Variants in CCNF observed in about 807,000 individuals in gnomAD.
CCNF encodes cyclin F.
CCNF carries 30 observed loss-of-function variants against 85.4 expected under a neutral mutation model. The ratio of observed to expected loss-of-function variants is 0.35; its 90% CI spans 0.26 to 0.48. CCNF has a LOEUF of 0.48. CCNF is among the 20% of genes least tolerant of loss of function. The pLI is 0.99. For missense variants in CCNF, 919 were observed against 1,010.4 expected (o/e 0.91, Z 1.23); for synonymous variants, 439 against 425.1 (o/e 1.03, Z -0.40).
rs905126575 is a variant in CCNF at position 2,452,181 on chromosome 16, G to C, written c.1488-1029G>C. 6.6e-6 allele frequency among the ~76,000 whole-genome samples: 1 copy of C among 152,214 alleles called. No individual in the cohort carries two copies. Among genetic ancestry groups the C allele is most frequent in the Admixed American group, 6.5e-5 (1 of 15,286 alleles). ...CGTGTACGTCACCCAGGGCCTCGCT[G>C]TCCGGCTTCCAGGATGAGATCAGAA... On this transcript the variant is annotated intron_variant, in intron 13 of 16. Coordinates refer to ENST00000397066, the MANE Select transcript of CCNF (RefSeq NM_001761.3). This position sits in a 1 kb window ranked among gnomAD's most constrained non-coding sequence, Gnocchi z 4.1.
At chr16:2,429,635 A>G in intron 1 of CCNF, 138 bp downstream of exon 1, 1 of 902,962 alleles carries the variant, frequency 1.1e-6, no homozygotes. Context: ...CCCGGGGCGG[A>G]TGTCGCGTCC....
Position 2,453,224 on chromosome 16 carries a change from C to G in CCNF, c.1502C>G (p.Ala501Gly). 10 of 1,613,742 alleles carry G rather than the reference C, an allele frequency of 6.2e-6. No homozygotes were observed. The highest frequency in any genetic ancestry group is 7.6e-6 in the Non-Finnish European group (9 of 1,180,010). ...SLHKKCFHDD[A>G]PKDYRQVSLT... ...TCTGTTTCCAGCTTCCATGATGACGCCCCCAAGGACTACAGGCAAGTCTCT... is the reference window on the plus strand; with the variant it reads ...TCTGTTTCCAGCTTCCATGATGACGGCCCCAAGGACTACAGGCAAGTCTCT... Residue 501 changes from alanine to glycine, a missense_variant, in exon 14 of 17, where the codon GCC (alanine) becomes GGC (glycine). This residue lies in a region of CCNF where 505 missense variants were observed against 514.8 expected (regional missense o/e 0.98). Coordinates refer to ENST00000397066, the MANE Select transcript of CCNF (RefSeq NM_001761.3). This position sits in a 1 kb window ranked among gnomAD's most constrained non-coding sequence, Gnocchi z 5.6.
At chr16:2,440,973 C>A (rs1432696880) in intron 8 of CCNF, among the ~76,000 whole-genome samples, 1 of 152,138 alleles carries the variant, frequency 6.6e-6, no homozygotes, top group African/African-American at 2.4e-5. Flanking sequence ...GTGGCTCATG[C>A]CTGTAATGCC....
chr16:2,445,724 G>GGGT, intron 10 of CCNF, 102 bp downstream of exon 10: 1 of 782,938 alleles, frequency 1.3e-6, no homozygotes, highest in Non-Finnish European at 1.7e-6. Flanking sequence ...GTTTTGTTTT[G>GGGT]TGTTGTTTTT....
intron 8 of CCNF, among the ~76,000 whole-genome samples, chr16:2,441,976 TATA>T (rs1179117827): frequency 1.1e-3 from 141 of 132,550 alleles, no homozygotes; most frequent in Middle Eastern, 3.8e-3. Flanking sequence ...TATATATATA[TATA>T]TATGTTTTTG....
At chr16:2,440,881 G>A (rs2065317505) in intron 8 of CCNF, among the ~76,000 whole-genome samples, 1 of 152,148 alleles carries the variant, frequency 6.6e-6, no homozygotes, top group East Asian at 1.9e-4. Flanking sequence ...TTGAGCCCAG[G>A]AGTTCAAGAC....
At chr16:2,432,282 G>A (rs1034457084) in intron 2 of CCNF, among the ~76,000 whole-genome samples, 3 of 152,088 alleles carry the variant, frequency 2.0e-5, no homozygotes, top group African/African-American at 7.2e-5. Flanking sequence ...GGAACCATAG[G>A]CTTACTTTGA....
intron 10 of CCNF, 28 bp from the exon 11 acceptor site, chr16:2,448,798 CCCCACCCCTGCCCCAGGAAGTGGGCTCCA>C: frequency 6.4e-7 from 1 of 1,572,700 alleles, no homozygotes; most frequent in Non-Finnish European, 8.7e-7. Context: ...GGTCCCTCCG[CCCCACCCCTGCCCCAGGAAGTGGGCTCCA>C]CCCTGAGACC....
chr16:2,443,850 C>A (rs769943231), intron 9 of CCNF, 50 bp downstream of exon 9: 1 of 1,574,378 alleles, frequency 6.4e-7, no homozygotes, highest in African/African-American at 1.4e-5. Context: ...GGAAGCCAGC[C>A]TCCAGGGGAA....
chr16:2,439,264 C>CGG (rs2065308269), intron 6 of CCNF, 89 bp from the exon 7 acceptor site: 1 of 1,178,768 alleles, frequency 8.5e-7, no homozygotes, highest in East Asian at 2.6e-5. Flanking sequence ...CGCCATTGCA[C>CGG]TCCAACCTGG....
intron 6 of CCNF, 98 bp downstream of exon 6, chr16:2,438,221 C>T: frequency 1.1e-6 from 1 of 927,034 alleles, no homozygotes; most frequent in South Asian, 1.3e-5. Context: ...GTCCAAGGCC[C>T]AAAACAAAAG....
Position 2,429,506 on chromosome 16 carries a change from G to T in CCNF, c.16+9G>T, listed in dbSNP as rs530962466. 5.7e-4 allele frequency: 698 copies of T among 1,230,916 alleles called. 5 individuals carry two copies. In the African/African-American group the frequency reaches 9.9e-3, roughly 17 times the overall value. The allele number at this position is 1,230,916 out of a possible 1,614,324, so 76.2% of individuals were successfully genotyped here. A position where few individuals can be genotyped will look rare whatever the true frequency, so the allele number is the denominator to read the frequency against. On this transcript the variant is annotated intron_variant, in intron 1 of 16. Transcript: ENST00000397066. ...GATGGGGAGCGGCGGCGGTGAGTGC[G>T]GGGCGATGTCCGCTGGTTTCTGCCC...
chr16:2,442,766 AT>A (rs2065335913), intron 8 of CCNF, among the ~76,000 whole-genome samples: 3 of 33,516 alleles, frequency 9.0e-5, no homozygotes, highest in Non-Finnish European at 1.3e-4. Flanking sequence ...ATAATATAAT[AT>A]ATATCATATA....
chr16:2,458,005 G>C lies in CCNF; in HGVS notation c.*985G>C, dbSNP rs998443941. 6.6e-6 allele frequency: 1 copy of C among 152,244 alleles called. No homozygotes were observed. The highest frequency in any genetic ancestry group is 2.4e-5 in the African/African-American group (1 of 41,448). 9.4% of individuals were successfully genotyped at this position (152,244 alleles called of 1,614,324 possible). A position where few individuals can be genotyped will look rare whatever the true frequency, so the allele number is the denominator to read the frequency against. The stretch of plus-strand genomic sequence containing the variant: ...CGTGTCCTGGCTGATCCCAACTGCA[G>C]CTCTGCTGTGGGGGCCCGTGGGAGG... On this transcript the variant is annotated 3_prime_UTR_variant, in exon 17 of 17. Coordinates refer to ENST00000397066, the MANE Select transcript of CCNF (RefSeq NM_001761.3).
In CCNF at chr16:2,453,547, C is replaced by T. The variant is rs184804277; in HGVS notation, c.1715+10C>T. The T allele has an allele frequency of 1.1e-5, 18 of 1,613,874 alleles. No homozygotes were observed. Among genetic ancestry groups the T allele is most frequent in the Admixed American group, 8.3e-5 (5 of 60,024 alleles). On this transcript the variant is annotated intron_variant, in intron 15 of 16. Transcript: ENST00000397066. This position sits in a 1 kb window ranked among gnomAD's most constrained non-coding sequence, Gnocchi z 5.6. ...GGCGGAGAACCAAACGGTTAGTTAC[C>T]CTGCGTTCTGGCTGCGCCATACAAT... is the stretch of plus-strand genomic sequence containing the variant.
rs1222543489 is a variant in CCNF, at chr16:2,431,188, G to A, written c.75G>A (p.Arg25=). Residue 25 remains arginine, a synonymous_variant, in exon 2 of 17, where the codon AGG becomes AGA. Transcript: ENST00000397066. ...FCYPTKRRIR[R]RPRNLTILSL... ...ATCCTACAAAGCGAAGAATAAGGAGGAGGCCCCGAAACCTGACCATCTTGA... is the reference window on the plus strand; with the variant it reads ...ATCCTACAAAGCGAAGAATAAGGAGAAGGCCCCGAAACCTGACCATCTTGA... 1 of 1,614,100 alleles carries A rather than the reference G, an allele frequency of 6.2e-7. No homozygotes were observed. The highest frequency in any genetic ancestry group is 8.5e-7 in the Non-Finnish European group (1 of 1,180,004).
In CCNF at chr16:2,451,958, G is replaced by A. The variant is rs1293380006; in HGVS notation, c.1488-1252G>A. 6.6e-6 allele frequency among the ~76,000 whole-genome samples: 1 copy of A among 152,240 alleles called. No homozygotes were observed. Among genetic ancestry groups the A allele is most frequent in the African/African-American group, 2.4e-5 (1 of 41,466 alleles). ...AGCGTGACTCAGCCAACGGCCTGTT[G>A]CCTGTTCTGGCCCTGGTGGGTCGTG... On this transcript the variant is annotated intron_variant, in intron 13 of 16. Transcript: ENST00000397066. The surrounding 1 kb of genome is among the most constrained non-coding windows in gnomAD (Gnocchi z 4.3).
intron 1 of CCNF, 169 bp from the exon 2 acceptor site, chr16:2,430,961 C>T (rs1222537978): frequency 1.3e-6 from 1 of 796,236 alleles, no homozygotes; most frequent in South Asian, 1.4e-5. Flanking sequence ...CACTCCTTTA[C>T]ATAATCTTTG....
chr16:2,445,673 G>C (rs148810003), intron 10 of CCNF, 51 bp downstream of exon 10: 1 of 1,558,484 alleles, frequency 6.4e-7, no homozygotes, highest in African/African-American at 1.4e-5. Context: ...CCTTTCCCGG[G>C]TTCAGGGTCA....
Sources: gnomAD v4.1 joint callset for allele counts (sites outside exome capture counted in the v4.1 genomes callset) on GRCh38, gnomAD v4.1.1 for gene constraint, gnomAD v4.1.1 regional missense constraint, Gnocchi (gnomAD v3.1) non-coding constraint, MANE v1.5 for transcripts, NCBI Gene and HGNC (gene_info 2026-07-23, HGNC 2026-07-21) for gene names.